Variants in EDAR observed in about 807,000 individuals in gnomAD.
EDAR encodes the protein ectodysplasin A receptor, also known as tumor necrosis factor receptor superfamily member EDAR.
Under a neutral mutation model 51.3 loss-of-function variants are expected in EDAR, and 38 were observed. The observed-to-expected ratio is 0.74, with a 90% CI of 0.57 to 0.97. EDAR has a LOEUF of 0.97. Among genes scored for constraint, EDAR ranks in the 50% least tolerant of loss-of-function variants. EDAR has a pLI of 0.00. For synonymous variants in EDAR, 227 were observed against 242.1 expected (o/e 0.94, Z 0.58); for missense variants, 528 against 595.0 (o/e 0.89, Z 1.17).
At chr2:108,983,500 G>T (rs1459797553) in intron 1 of EDAR, among the ~76,000 whole-genome samples, 20 of 152,060 alleles carry the variant, frequency 1.3e-4, no homozygotes, top group Admixed American at 1.3e-3. Flanking sequence ...AGCATTCCCC[G>T]TGGCCTTCCA....
rs142724949 is a variant in EDAR at position 108,908,061 on chromosome 2, G to T, written c.804-42C>A. ...GATGGTCATTAGCAGTGCCTGGGGG[G>T]GCTGCAGCCCTGACAAGTTCTCCTG... On this transcript the variant is annotated intron_variant, in intron 9 of 11. Transcript: ENST00000258443. 15,804 of 1,567,432 alleles carry T rather than the reference G, an allele frequency of 0.01. 102 individuals are homozygous for T. The highest frequency in any genetic ancestry group is 0.019 in the Middle Eastern group (109 of 5,856).
intron 1 of EDAR, among the ~76,000 whole-genome samples, chr2:108,939,334 G>A (rs1201905670): frequency 2.6e-5 from 4 of 151,906 alleles, no homozygotes; most frequent in Non-Finnish European, 5.9e-5. Context: ...CTACAGGCGT[G>A]CGCCACCACA....
intron 9 of EDAR, 42 bp downstream of exon 9, chr2:108,910,418 C>T (rs1411403727): frequency 3.2e-6 from 5 of 1,538,686 alleles, no homozygotes; most frequent in Non-Finnish European, 4.5e-6. Flanking sequence ...TCAGGATCCA[C>T]AGGACCCCAG....
At chr2:108,901,831 C>T (rs1021572675) in intron 11 of EDAR, among the ~76,000 whole-genome samples, 5 of 152,176 alleles carry the variant, frequency 3.3e-5, no homozygotes, top group African/African-American at 7.2e-5. Context: ...TAGCCAAACG[C>T]GGTGGCTCAC....
chr2:108,926,917 C>T (rs1326106245), intron 4 of EDAR, among the ~76,000 whole-genome samples: 1 of 152,220 alleles, frequency 6.6e-6, no homozygotes, highest in Admixed American at 6.5e-5. Flanking sequence ...TGATCCTCCT[C>T]TGTGACACAG....
At chr2:108,909,603 G>T (rs541857298) in intron 9 of EDAR, among the ~76,000 whole-genome samples, 3 of 152,334 alleles carry the variant, frequency 2.0e-5, no homozygotes, top group Non-Finnish European at 4.4e-5. Flanking sequence ...AGTGGCTGTC[G>T]GGCAGAGGCC....
chr2:108,962,440 G>A (rs1276337816), intron 1 of EDAR, among the ~76,000 whole-genome samples: 3 of 152,024 alleles, frequency 2.0e-5, no homozygotes, highest in Non-Finnish European at 1.5e-5. Context: ...TTGGGAGGCC[G>A]AGGCTGGTGG....
At chr2:108,939,446 T>C (rs771721302) in intron 1 of EDAR, among the ~76,000 whole-genome samples, 3 of 152,178 alleles carry the variant, frequency 2.0e-5, no homozygotes, top group Non-Finnish European at 4.4e-5. Flanking sequence ...AGTATGCGTA[T>C]GTGAAAATGG....
chr2:108,984,358 C>T (rs1314182497), intron 1 of EDAR, among the ~76,000 whole-genome samples: 2 of 152,198 alleles, frequency 1.3e-5, no homozygotes, highest in Admixed American at 1.3e-4. Context: ...GGGCGTGAGC[C>T]ACCATGGCTG....
chr2:108,987,086 T>G (rs72939934), intron 1 of EDAR, among the ~76,000 whole-genome samples: 5,857 of 152,330 alleles, frequency 0.038, 237 homozygotes, highest in African/African-American at 0.095. Context: ...GCTGAGGGGC[T>G]GAGCCACTTA....
chr2:108,961,527 A>C (rs1698042206), intron 1 of EDAR, among the ~76,000 whole-genome samples: 1 of 152,178 alleles, frequency 6.6e-6, no homozygotes, highest in Non-Finnish European at 1.5e-5. Context: ...CGCTGCCTAC[A>C]TCAGATTTAC....
At chr2:108,928,437 C>A (rs1697299253) in intron 4 of EDAR, among the ~76,000 whole-genome samples, 1 of 152,180 alleles carries the variant, frequency 6.6e-6, no homozygotes, top group Non-Finnish European at 1.5e-5. Context: ...TCCCCACTGG[C>A]CTCATCACTG....
intron 1 of EDAR, among the ~76,000 whole-genome samples, chr2:108,972,512 G>A (rs1176430928): frequency 6.6e-6 from 1 of 152,238 alleles, no homozygotes; most frequent in African/African-American, 2.4e-5. Context: ...GCAAGGTCAG[G>A]CTGCAACGGG....
intron 11 of EDAR, among the ~76,000 whole-genome samples, chr2:108,901,201 C>T (rs777435320): frequency 7.2e-5 from 11 of 152,182 alleles, no homozygotes; most frequent in Non-Finnish European, 1.3e-4. Context: ...GAAAAATCTT[C>T]ACACACTTGA....
chr2:108,896,853 A>G lies in EDAR; in HGVS notation c.*54T>C, dbSNP rs1696603865. Reference sequence around the variant, plus strand: ...CTTTTGGCACCACTCACAGCTCCAGAGCCCTCGTTGGCTCCTTGGCTTGTC... The same window carrying G: ...CTTTTGGCACCACTCACAGCTCCAGGGCCCTCGTTGGCTCCTTGGCTTGTC... On this transcript the variant is annotated 3_prime_UTR_variant, in exon 12 of 12. Coordinates refer to ENST00000258443, the MANE Select transcript of EDAR (RefSeq NM_022336.4). 6.4e-7 allele frequency: 1 copy of G among 1,554,834 alleles called. No individual in the cohort carries two copies. The highest frequency in any genetic ancestry group is 2.3e-5 in the East Asian group (1 of 42,682).
At chr2:108,984,135 G>C (rs1404394824) in intron 1 of EDAR, among the ~76,000 whole-genome samples, 3 of 152,210 alleles carry the variant, frequency 2.0e-5, no homozygotes, top group Admixed American at 2.0e-4. Flanking sequence ...CCTTTGGCAT[G>C]TGTTAACGGC....
chr2:108,968,592 G>A (rs146658635), intron 1 of EDAR, among the ~76,000 whole-genome samples: 336 of 152,286 alleles, frequency 2.2e-3, no homozygotes, highest in African/African-American at 7.7e-3. Flanking sequence ...TGTCTGTGGC[G>A]CCTCCTGATC....
chr2:108,898,029 A>G (rs925785776), intron 11 of EDAR, among the ~76,000 whole-genome samples: 1 of 152,196 alleles, frequency 6.6e-6, no homozygotes, highest in Non-Finnish European at 1.5e-5. Context: ...GCAACCACAG[A>G]CAAAAACAGC....
At chr2:108,927,716 T>C (rs1697284334) in intron 4 of EDAR, among the ~76,000 whole-genome samples, 2 of 152,030 alleles carry the variant, frequency 1.3e-5, no homozygotes, top group South Asian at 4.1e-4. Context: ...TGCCTGGAGG[T>C]TCAGGCCATC....
Sources: allele counts gnomAD v4.1 joint callset (sites outside exome capture counted in the v4.1 genomes callset), GRCh38; gene constraint gnomAD v4.1.1; transcripts MANE v1.5; gene names NCBI Gene and HGNC (gene_info 2026-07-23, HGNC 2026-07-21).